Variants in USP54 observed in about 807,000 individuals in gnomAD.
The protein encoded by USP54 is ubiquitin carboxyl-terminal hydrolase 54.
A neutral mutation model predicts 170.5 loss-of-function variants in USP54; 87 were observed. That is an observed-to-expected ratio of 0.51 (90% CI 0.43 to 0.61). The LOEUF (loss-of-function observed/expected upper bound fraction) is 0.61, where lower values mean the gene tolerates loss of function less well. Ranked by LOEUF, USP54 falls within the 20% of genes least tolerant of loss-of-function variation. USP54 has a pLI of 0.00. For missense variants in USP54, 1,786 were observed against 2,047.8 expected (o/e 0.87, Z 2.47); for synonymous variants, 655 against 742.8 (o/e 0.88, Z 1.92).
chr10:73,543,523 C>T (rs1412826344), intron 5 of USP54, among the ~76,000 whole-genome samples: 6 of 152,102 alleles, frequency 3.9e-5, no homozygotes, highest in South Asian at 2.1e-4. Flanking sequence ...CCCGCCACCA[C>T]GCCCGGCTAA....
chr10:73,588,223 TTTTG>T (rs1367873399), intron 1 of USP54, among the ~76,000 whole-genome samples: 1 of 152,186 alleles, frequency 6.6e-6, no homozygotes, highest in African/African-American at 2.4e-5. Flanking sequence ...TGTTTTTTGT[TTTTG>T]TTTTTGTTTT....
At chr10:73,535,897 C>G (rs1355848022) in intron 11 of USP54, among the ~76,000 whole-genome samples, 2 of 152,146 alleles carry the variant, frequency 1.3e-5, no homozygotes, top group Non-Finnish European at 2.9e-5. Flanking sequence ...AATAACTAGC[C>G]TTGTAGTGGC....
chr10:73,536,569 A>G, intron 10 of USP54, 132 bp from the exon 11 acceptor site: 1 of 1,070,592 alleles, frequency 9.3e-7, no homozygotes, highest in Non-Finnish European at 1.2e-6. Context: ...AAAGGCAGCA[A>G]AAAAGATCTC....
intron 12 of USP54, among the ~76,000 whole-genome samples, chr10:73,531,455 A>G (rs1003575698): frequency 1.3e-5 from 2 of 152,212 alleles, no homozygotes; most frequent in African/African-American, 4.8e-5. Context: ...TTTAAAGATT[A>G]TATAAAAATG....
intron 1 of USP54, among the ~76,000 whole-genome samples, chr10:73,614,774 A>T (rs1418238850): frequency 6.7e-6 from 1 of 150,154 alleles, no homozygotes; most frequent in African/African-American, 2.5e-5. Context: ...TTAAAGAGTT[A>T]AATAAGCTAG....
rs551013239 is a variant in USP54 at position 73,587,300 on chromosome 10, C to G, written c.-582+3978G>C. 5.3e-5 allele frequency among the ~76,000 whole-genome samples: 8 copies of G among 152,058 alleles called. No homozygotes were observed. The East Asian group carries it at 1.5e-3, about 29-fold the overall frequency. On this transcript the variant is annotated intron_variant, in intron 1 of 23. Transcript: ENST00000687698. ...CATCCTGGCTAACACGGTGAAACCC[C>G]GTCTCTACTAAAAAACACAAAAAAA...
At chr10:73,615,905 C>CA (rs1170081483) in intron 1 of USP54, among the ~76,000 whole-genome samples, 800 of 39,442 alleles carry the variant, frequency 0.02, 13 homozygotes, top group African/African-American at 0.038. Flanking sequence ...AGATCAGTCT[C>CA]AAAAAAAAAA....
At chr10:73,569,861 A>G (rs1033352934) in intron 4 of USP54, among the ~76,000 whole-genome samples, 1 of 132,568 alleles carries the variant, frequency 7.5e-6, no homozygotes, top group Non-Finnish European at 1.6e-5. Flanking sequence ...TGAGCCCAGG[A>G]GTTCAAGACT....
chr10:73,517,848 G>C, intron 19 of USP54, 101 bp from the exon 20 acceptor site: 2 of 1,394,196 alleles, frequency 1.4e-6, no homozygotes, highest in Non-Finnish European at 1.9e-6. Context: ...TATTCACACA[G>C]GGAATGGTAA....
chr10:73,597,498 A>G (rs2078824876), intron 1 of USP54, among the ~76,000 whole-genome samples: 1 of 152,088 alleles, frequency 6.6e-6, no homozygotes, highest in Admixed American at 6.6e-5. Flanking sequence ...CTACCCAGGA[A>G]CTGACTCAGT....
chr10:73,553,396 G>C (rs1215549945), intron 4 of USP54: 4 of 152,234 alleles, frequency 2.6e-5, no homozygotes, highest in Non-Finnish European at 4.4e-5. Flanking sequence ...GCATGCATCT[G>C]TGGAGCTCTG....
intron 20 of USP54, among the ~76,000 whole-genome samples, chr10:73,510,749 TA>T (rs2060072135): frequency 6.6e-6 from 1 of 152,146 alleles, no homozygotes; most frequent in Admixed American, 6.6e-5. Flanking sequence ...GTGCCCGGCC[TA>T]CTCTTATTCT....
chr10:73,517,591 G>A lies in USP54; in HGVS notation c.2835C>T (p.His945=), dbSNP rs761779484. 3 of 1,614,230 alleles carry A rather than the reference G, an allele frequency of 1.9e-6. No homozygotes were observed. In the East Asian group the frequency reaches 6.7e-5, roughly 36 times the overall value. ...SLSPESSAPQ[H]SSPSRSALKL... is the part of the protein sequence containing the mutation. ...TCAAGGCAGATCTACTGGGGGAGCT[G>A]TGCTGTGGGGCAGATGACTCTGGAG... is the stretch of plus-strand genomic sequence containing the variant. Residue 945 remains histidine (H), a synonymous_variant, in exon 20 of 24, where the codon CAC becomes CAT. Transcript: ENST00000687698.
chr10:73,518,506 T>C (rs527352936), intron 19 of USP54, among the ~76,000 whole-genome samples: 1 of 152,250 alleles, frequency 6.6e-6, no homozygotes, highest in Admixed American at 6.5e-5. Flanking sequence ...GTATACGTTT[T>C]CTGGAAACGG....
At chr10:73,506,224 T>TA (rs949081872) in intron 20 of USP54, 4 of 152,226 alleles carry the variant, frequency 2.6e-5, no homozygotes, top group Admixed American at 2.0e-4. Flanking sequence ...ACAGTACTCT[T>TA]ACCATCTCAC....
chr10:73,570,046 G>A (rs2074816934), intron 4 of USP54, among the ~76,000 whole-genome samples: 1 of 150,292 alleles, frequency 6.7e-6, no homozygotes, highest in Non-Finnish European at 1.5e-5. Flanking sequence ...CCTATTTCAG[G>A]ATGTAAAAGC....
At chr10:73,506,120 ACCT>A (rs1486387465) in intron 20 of USP54, 1 of 152,162 alleles carries the variant, frequency 6.6e-6, no homozygotes, top group Admixed American at 6.5e-5. Flanking sequence ...CATCTATCAA[ACCT>A]CCTCATTTTA....
At chr10:73,540,827 A>G (rs1244940638) in intron 9 of USP54, among the ~76,000 whole-genome samples, 2 of 152,188 alleles carry the variant, frequency 1.3e-5, no homozygotes, top group African/African-American at 4.8e-5. Flanking sequence ...AGATCCCAGA[A>G]AGTTCATTTA....
At chr10:73,539,096 T>C (rs1173465746) in intron 10 of USP54, among the ~76,000 whole-genome samples, 3 of 151,658 alleles carry the variant, frequency 2.0e-5, no homozygotes, top group Non-Finnish European at 4.4e-5. Flanking sequence ...CTGGCAAACA[T>C]AGTGAAACTC....
Sources: gnomAD v4.1 joint callset for allele counts (sites outside exome capture counted in the v4.1 genomes callset) on GRCh38, gnomAD v4.1.1 for gene constraint, MANE v1.5 for transcripts, NCBI Gene and HGNC (gene_info 2026-07-23, HGNC 2026-07-21) for gene names.